The following ZPLD1 variants were observed in gnomAD, a reference collection of about 807,000 sequenced individuals.
ZPLD1 encodes zona pellucida like domain containing 1.
In ZPLD1, 34 loss-of-function variants were observed where a neutral mutation model predicts 47.2. That is an observed-to-expected ratio of 0.72 (90% CI 0.55 to 0.96). The LOEUF is 0.96. Among genes scored for constraint, ZPLD1 ranks in the 40% least tolerant of loss-of-function variants. ZPLD1 has a pLI of 0.00. For missense variants in ZPLD1, 512 were observed against 505.8 expected, an observed-to-expected ratio of 1.01 and a Z score of -0.12; for synonymous variants, 176 against 186.2, an observed-to-expected ratio of 0.95 and a Z score of 0.45.
chr3:102,448,557 G>C (rs989136064), intron 3 of ZPLD1, among the ~76,000 whole-genome samples: 1 of 152,178 alleles, frequency 6.6e-6, no homozygotes, highest in African/African-American at 2.4e-5. Flanking sequence ...GAACACTAGT[G>C]AAAAGTCCTT....
chr3:102,474,753 G>T (rs181004037), intron 10 of ZPLD1, among the ~76,000 whole-genome samples: 9 of 152,258 alleles, frequency 5.9e-5, no homozygotes, highest in Admixed American at 2.0e-4. Context: ...CTGTGGCATT[G>T]CTGCTATCAC....
intron 3 of ZPLD1, among the ~76,000 whole-genome samples, chr3:102,447,214 C>T (rs114397703): frequency 0.018 from 2,690 of 152,132 alleles, 77 homozygotes; most frequent in African/African-American, 0.056. Flanking sequence ...TACAGACATG[C>T]GTGACCACAC....
At chr3:102,429,047 T>C (rs1706984695) in intron 8 of ZPLD1, among the ~76,000 whole-genome samples, 1 of 152,164 alleles carries the variant, frequency 6.6e-6, no homozygotes, top group Non-Finnish European at 1.5e-5. Flanking sequence ...AAATTACTTA[T>C]TAGTCAAAGG....
At chr3:102,471,280 C>G (rs771221840) in intron 10 of ZPLD1, among the ~76,000 whole-genome samples, 2 of 152,192 alleles carry the variant, frequency 1.3e-5, no homozygotes, top group Non-Finnish European at 2.9e-5. Flanking sequence ...CCAGACAATT[C>G]TCTCCCTAGA....
upstream of ZPLD1, among the ~76,000 whole-genome samples, chr3:102,433,589 G>A (rs533360405): frequency 3.9e-5 from 6 of 152,310 alleles, no homozygotes; most frequent in Admixed American, 6.5e-5. Flanking sequence ...GTGCAGTGGC[G>A]TGATCTCGGC....
rs549837305 is a variant in ZPLD1 at position 102,396,893 on chromosome 3, G to A, written c.-157+4668G>A. On this transcript the variant is annotated intron_variant, in intron 7 of 17. Transcript: ENST00000491959. ...TGTACTCAAAAGTTAAATGATTAGA[G>A]CCCTGGCCCCACTACTTACTAACCA... 5.3e-5 allele frequency among the ~76,000 whole-genome samples: 8 copies of A among 152,140 alleles called. No individual in the cohort carries two copies. The South Asian group carries it at 1.5e-3, about 28-fold the overall frequency.
At chr3:102,407,613 T>C (rs1202772305) in intron 7 of ZPLD1, among the ~76,000 whole-genome samples, 1 of 151,256 alleles carries the variant, frequency 6.6e-6, no homozygotes, top group Non-Finnish European at 1.5e-5. Context: ...TATTTATTGA[T>C]ATTTTGCTAT....
At position 102,457,032 on chromosome 3, in the gene ZPLD1, A is replaced by C. The variant is rs543375488; in HGVS notation, c.509+658A>C. On this transcript the variant is annotated intron_variant, in intron 5 of 11. Coordinates refer to ENST00000466937, the MANE Select transcript of ZPLD1 (RefSeq NM_001329788.2). ...GCTATGCCCACATTAAAATATAATC[A>C]CCTGGATTTGTTGAATATTTTTGAC... 3.3e-5 allele frequency among the ~76,000 whole-genome samples: 5 copies of C among 152,250 alleles called. No individual in the cohort carries two copies. In the South Asian group the frequency reaches 1.0e-3, roughly 32 times the overall value.
chr3:102,455,775 G>T (rs921430886), intron 4 of ZPLD1, among the ~76,000 whole-genome samples: 1 of 152,148 alleles, frequency 6.6e-6, no homozygotes, highest in Non-Finnish European at 1.5e-5. Context: ...GGAGGAGTAG[G>T]ATACATCATG....
chr3:102,426,518 CAAA>C (rs34182101), intron 8 of ZPLD1, among the ~76,000 whole-genome samples: 1 of 107,680 alleles, frequency 9.3e-6, no homozygotes. Flanking sequence ...AACTCCATCT[CAAA>C]AAAAAAAAAA....
At position 102,469,065 on chromosome 3, in the gene ZPLD1, A is replaced by T. The variant is rs965471386; in HGVS notation, c.863A>T (p.Lys288Ile). 1 of 1,614,192 alleles carries T rather than the reference A, an allele frequency of 6.2e-7. No individual in the cohort carries two copies. The highest frequency in any genetic ancestry group is 8.5e-7 in the Non-Finnish European group (1 of 1,180,008). Reference sequence around the variant, plus strand: ...CGATTTGTGAAACACAAGAATCAGAAAATGTCCACTGTCTTCTTGCACTGC... The same window carrying T: ...CGATTTGTGAAACACAAGAATCAGATAATGTCCACTGTCTTCTTGCACTGC... ...VFRFVKHKNQ[K>I]MSTVFLHCVT... The change falls in exon 9 of 12, where the codon AAA (lysine) becomes ATA (isoleucine). Residue 288 changes from lysine to isoleucine, a missense_variant. By Grantham distance (102) the Lys-to-Ile change is moderately radical. Transcript: ENST00000466937.
chr3:102,452,860 T>C (rs1707358182), intron 3 of ZPLD1, 59 bp from the exon 4 acceptor site: 5 of 1,551,606 alleles, frequency 3.2e-6, no homozygotes, highest in Non-Finnish European at 4.4e-6. Context: ...AGGATGTTAA[T>C]GTTATTTATC....
At chr3:102,407,214 C>T (rs940371275) in intron 7 of ZPLD1, among the ~76,000 whole-genome samples, 1 of 150,906 alleles carries the variant, frequency 6.6e-6, no homozygotes, top group East Asian at 2.0e-4. Context: ...TTGGAAAGAA[C>T]TAAAATTGCT....
At chr3:102,466,481 G>A (rs146857856) in intron 8 of ZPLD1, among the ~76,000 whole-genome samples, 9 of 152,258 alleles carry the variant, frequency 5.9e-5, no homozygotes, top group African/African-American at 2.2e-4. Context: ...CCAGAAAAAT[G>A]CTGCCATGGA....
intron 7 of ZPLD1, among the ~76,000 whole-genome samples, chr3:102,411,473 A>G (rs928032479): frequency 2.0e-5 from 3 of 151,820 alleles, no homozygotes; most frequent in Non-Finnish European, 4.4e-5. Context: ...AACAAGAATA[A>G]CACTCACATT....
At chr3:102,451,926 G>T (rs1707343114) in intron 3 of ZPLD1, among the ~76,000 whole-genome samples, 1 of 152,054 alleles carries the variant, frequency 6.6e-6, no homozygotes, top group Non-Finnish European at 1.5e-5. Context: ...TAAAGCCTAA[G>T]GTACTGAGGG....
intron 3 of ZPLD1, among the ~76,000 whole-genome samples, chr3:102,449,882 A>G (rs962436617): frequency 6.6e-6 from 1 of 152,160 alleles, no homozygotes; most frequent in East Asian, 1.9e-4. Flanking sequence ...TGGGAATATG[A>G]TCACTATGTT....
At chr3:102,402,863 G>A (rs1265920998) in intron 7 of ZPLD1, among the ~76,000 whole-genome samples, 2 of 151,924 alleles carry the variant, frequency 1.3e-5, no homozygotes, top group African/African-American at 4.8e-5. Flanking sequence ...GATAAAAGCT[G>A]TGACTGTGGG....
At chr3:102,440,595 G>C (rs1266235287) in intron 3 of ZPLD1, among the ~76,000 whole-genome samples, 3 of 151,994 alleles carry the variant, frequency 2.0e-5, no homozygotes, top group African/African-American at 4.8e-5. Context: ...TACAGAGCTG[G>C]GTCTGAGAAG....
Sources: allele counts gnomAD v4.1 joint callset (sites outside exome capture counted in the v4.1 genomes callset), GRCh38; gene constraint gnomAD v4.1.1; transcripts MANE v1.5; gene names NCBI Gene and HGNC (gene_info 2026-07-23, HGNC 2026-07-21).